Variants in TAFA5 observed in about 807,000 individuals in gnomAD.
The protein encoded by TAFA5 is TAFA chemokine like family member 5.
A neutral mutation model predicts 15.3 loss-of-function variants in TAFA5; 6 were observed. The observed-to-expected ratio is 0.39, with a 90% CI of 0.21 to 0.77. The LOEUF is 0.77. Among genes scored for constraint, TAFA5 ranks in the 30% least tolerant of loss-of-function variants. The probability of loss-of-function intolerance (pLI) is 0.41; values close to 1 mark genes in which losing one functional copy is unlikely to be tolerated. For synonymous variants in TAFA5, 103 were observed against 80.7 expected (o/e 1.28, Z -1.48); for missense variants, 161 against 193.1 (o/e 0.83, Z 0.98).
chr22:48,673,811 C>T (rs778220357), intron 2 of TAFA5, among the ~76,000 whole-genome samples: 16 of 152,142 alleles, frequency 1.1e-4, no homozygotes, highest in South Asian at 2.1e-4. Flanking sequence ...ACAGAGACAC[C>T]GCCTGCTGAC....
At chr22:48,593,362 A>G (rs1024554084) in intron 1 of TAFA5, among the ~76,000 whole-genome samples, 3 of 152,176 alleles carry the variant, frequency 2.0e-5, no homozygotes, top group Admixed American at 2.0e-4. Flanking sequence ...GCCCAAGGCC[A>G]TATGGGTCTC....
chr22:48,559,555 C>T (rs915631472), intron 1 of TAFA5, among the ~76,000 whole-genome samples: 1 of 152,140 alleles, frequency 6.6e-6, no homozygotes, highest in Non-Finnish European at 1.5e-5. Context: ...CCCTTCCCCC[C>T]TGGTCTCCAC....
chr22:48,745,168 C>T (rs911693541), intron 3 of TAFA5, among the ~76,000 whole-genome samples: 1 of 152,254 alleles, frequency 6.6e-6, no homozygotes, highest in Admixed American at 6.5e-5. Flanking sequence ...GGAGCAGGCT[C>T]ATTGCACAGG....
chr22:48,507,004 C>T (rs1317997601), intron 1 of TAFA5, among the ~76,000 whole-genome samples: 1 of 151,934 alleles, frequency 6.6e-6, no homozygotes, highest in Non-Finnish European at 1.5e-5. Flanking sequence ...TGGGGAGAAC[C>T]CCGTGGCTGA....
chr22:48,559,023 A>G (rs1923136023), intron 1 of TAFA5, among the ~76,000 whole-genome samples: 1 of 152,308 alleles, frequency 6.6e-6, no homozygotes, highest in South Asian at 2.1e-4. Flanking sequence ...AGGGGCCCTT[A>G]TACTGGGGTC....
At chr22:48,559,911 G>C (rs1601579361) in intron 1 of TAFA5, among the ~76,000 whole-genome samples, 1 of 152,204 alleles carries the variant, frequency 6.6e-6, no homozygotes, top group African/African-American at 2.4e-5. Flanking sequence ...GAATCTTTGC[G>C]GGGGCCGTGG....
chr22:48,665,355 G>A (rs1419237171), intron 2 of TAFA5, among the ~76,000 whole-genome samples: 1 of 152,122 alleles, frequency 6.6e-6, no homozygotes, highest in Non-Finnish European at 1.5e-5. Context: ...TTGCTTAATG[G>A]TACATTTTGA....
chr22:48,576,243 G>C (rs1018347200), intron 1 of TAFA5: 47 of 370,856 alleles, frequency 1.3e-4, no homozygotes, highest in South Asian at 2.7e-4. Flanking sequence ...TAACCTCCCC[G>C]CCCCCGCCCG....
chr22:48,734,006 T>C (rs1466082518), intron 3 of TAFA5, among the ~76,000 whole-genome samples: 2 of 152,168 alleles, frequency 1.3e-5, no homozygotes, highest in Non-Finnish European at 2.9e-5. Context: ...AATTTGCTGG[T>C]CACCTTTAGG....
chr22:48,749,481 G>C (rs1426034691), intron 3 of TAFA5, among the ~76,000 whole-genome samples: 13 of 152,166 alleles, frequency 8.5e-5, no homozygotes, highest in Admixed American at 8.5e-4. Flanking sequence ...GGTTTGAATT[G>C]GATACAGGGA....
intron 1 of TAFA5, among the ~76,000 whole-genome samples, chr22:48,644,436 C>A (rs1244316816): frequency 6.6e-6 from 1 of 152,246 alleles, no homozygotes; most frequent in Non-Finnish European, 1.5e-5. Flanking sequence ...CAGCTCCATG[C>A]CCTGCACCAT....
chr22:48,708,762 A>C (rs1039414364), intron 3 of TAFA5, among the ~76,000 whole-genome samples: 12 of 152,206 alleles, frequency 7.9e-5, no homozygotes, highest in African/African-American at 2.9e-4. Flanking sequence ...GCTGGGCAGA[A>C]GGATCTGGAA....
rs1375673970 is a variant in TAFA5 at position 48,667,816 on chromosome 22, G to A, written c.262+21070G>A. ...TCAGGACCGCGTCTTCACCGGGAGCGTTAATCCCCCAGCACTCAGGGCCGC... is the reference window on the plus strand; with the variant it reads ...TCAGGACCGCGTCTTCACCGGGAGCATTAATCCCCCAGCACTCAGGGCCGC... On this transcript the variant is annotated intron_variant, in intron 2 of 3. Transcript: ENST00000402357. Among the ~76,000 whole-genome samples the A allele has an allele frequency of 1.8e-3, 8 of 4,340 alleles. 1 individual carries two copies. Among genetic ancestry groups the A allele is most frequent in the African/African-American group, 0.018 (7 of 400 alleles). 2.8% of individuals were successfully genotyped at this position (4,340 alleles called of 152,430 possible).
At chr22:48,524,787 G>A (rs565725125) in intron 1 of TAFA5, among the ~76,000 whole-genome samples, 32 of 152,288 alleles carry the variant, frequency 2.1e-4, no homozygotes, top group African/African-American at 6.5e-4. Flanking sequence ...TCTGCACCAG[G>A]AGTGGGGAAG....
rs893977911 is a variant in TAFA5 at position 48,550,334 on chromosome 22, C to T, written c.112+60630C>T. Among the ~76,000 whole-genome samples, 6 of 152,212 alleles carry T rather than the reference C, an allele frequency of 3.9e-5. No individual in the cohort carries two copies. The highest frequency in any genetic ancestry group is 7.3e-5 in the Non-Finnish European group (5 of 68,040). ...AGGTGAGGCCAGATGCAGACAGGAG[C>T]GCCATGAGAGGGCAAGGGCTTCCAG... On this transcript the variant is annotated intron_variant, in intron 1 of 3. Transcript: ENST00000402357. The surrounding 1 kb of genome is among the most constrained non-coding windows in gnomAD (Gnocchi z 4.1).
chr22:48,685,633 G>T (rs998251640), intron 2 of TAFA5, among the ~76,000 whole-genome samples: 1 of 151,872 alleles, frequency 6.6e-6, no homozygotes, highest in Non-Finnish European at 1.5e-5. Flanking sequence ...GTATTGAGGG[G>T]TGTCTAATCT....
At chr22:48,606,970 A>G (rs900328558) in intron 1 of TAFA5, among the ~76,000 whole-genome samples, 1 of 152,186 alleles carries the variant, frequency 6.6e-6, no homozygotes, top group Non-Finnish European at 1.5e-5. Flanking sequence ...GCAGTAACCC[A>G]TGTCCTGCAT....
chr22:48,635,982 C>T (rs532974149), intron 1 of TAFA5, among the ~76,000 whole-genome samples: 1 of 152,368 alleles, frequency 6.6e-6, no homozygotes, highest in African/African-American at 2.4e-5. Context: ...GGGCGCCTTC[C>T]TCCTCCCTCC....
At chr22:48,700,851 C>G (rs1440618363) in intron 2 of TAFA5, among the ~76,000 whole-genome samples, 1 of 152,184 alleles carries the variant, frequency 6.6e-6, no homozygotes, top group Non-Finnish European at 1.5e-5. Context: ...GTATGGCAAA[C>G]AAGTTCAAAT....
Sources: gnomAD v4.1 joint callset for allele counts (sites outside exome capture counted in the v4.1 genomes callset) on GRCh38, gnomAD v4.1.1 for gene constraint, Gnocchi (gnomAD v3.1) non-coding constraint, MANE v1.5 for transcripts, NCBI Gene and HGNC (gene_info 2026-07-23, HGNC 2026-07-21) for gene names.